The following TIMP3 variants were observed in gnomAD, a reference collection of about 807,000 sequenced individuals.
The protein encoded by TIMP3 is metalloproteinase inhibitor 3.
In TIMP3, 11 loss-of-function variants were observed where a neutral mutation model predicts 30.0. That is an observed-to-expected ratio of 0.37 (90% CI 0.23 to 0.61). TIMP3 has a LOEUF of 0.61. TIMP3 is among the 20% of genes least tolerant of loss of function. TIMP3 has a pLI of 0.70. For missense variants in TIMP3, 181 were observed against 276.8 expected, an observed-to-expected ratio of 0.65 and a Z score of 2.45; for synonymous variants, 112 against 111.3, an observed-to-expected ratio of 1.01 and a Z score of -0.04.
intron 1 of TIMP3, among the ~76,000 whole-genome samples, chr22:32,845,667 GC>G (rs1281372724): frequency 6.6e-6 from 1 of 152,124 alleles, no homozygotes; most frequent in East Asian, 1.9e-4. Flanking sequence ...CAGTGTAGGG[GC>G]CATACTCCAG....
chr22:32,828,882 A>G (rs5998641), intron 1 of TIMP3, among the ~76,000 whole-genome samples: 3,347 of 152,224 alleles, frequency 0.022, 123 homozygotes, highest in African/African-American at 0.075. Flanking sequence ...ACAGTCACAT[A>G]AGGAAATTCA....
At chr22:32,852,518 T>C (rs188294038) in intron 2 of TIMP3, among the ~76,000 whole-genome samples, 2 of 152,274 alleles carry the variant, frequency 1.3e-5, no homozygotes, top group African/African-American at 4.8e-5. Context: ...GACTTTGTTC[T>C]AGCAGATTAG....
intron 1 of TIMP3, among the ~76,000 whole-genome samples, chr22:32,828,910 T>C (rs1371968925): frequency 6.6e-6 from 1 of 151,990 alleles, no homozygotes; most frequent in Admixed American, 6.6e-5. Context: ...CCTCTCTCAT[T>C]AGGGGGCCCC....
At chr22:32,854,420 A>G (rs570071663) in intron 2 of TIMP3, among the ~76,000 whole-genome samples, 2 of 152,288 alleles carry the variant, frequency 1.3e-5, no homozygotes, top group South Asian at 4.1e-4. Context: ...CTCACCCACG[A>G]AGCACTAGGG....
At position 32,837,519 on chromosome 22, in the gene TIMP3, G is replaced by A. The variant is rs766146735; in HGVS notation, c.122-11933G>A. Among the ~76,000 whole-genome samples the A allele has an allele frequency of 7.9e-5, 12 of 152,294 alleles. No homozygotes were observed. The highest frequency in any genetic ancestry group is 1.2e-4 in the Non-Finnish European group (8 of 68,026). ...CTCCAAGAGGTGAAAGGGCTTGAGG[G>A]GAGACAGGGTACGGCGGGAGACAGA... On this transcript the variant is annotated intron_variant, in intron 1 of 4. Transcript: ENST00000266085. The surrounding 1 kb of genome is among the most constrained non-coding windows in gnomAD (Gnocchi z 4.1).
At position 32,809,074 on chromosome 22, in the gene TIMP3, C is replaced by A. The variant is rs139178393; in HGVS notation, c.121+6952C>A. ...ATCACAAACATAATACTGTAATTTTCATAGTAAGTTTGGTGCCCTTACTAT... is the reference window on the plus strand; with the variant it reads ...ATCACAAACATAATACTGTAATTTTAATAGTAAGTTTGGTGCCCTTACTAT... On this transcript the variant is annotated intron_variant, in intron 1 of 4. Coordinates refer to ENST00000266085, the MANE Select transcript of TIMP3 (RefSeq NM_000362.5). 5.8e-3 allele frequency among the ~76,000 whole-genome samples: 891 copies of A among 152,324 alleles called. 13 individuals are homozygous for A. Among genetic ancestry groups the A allele is most frequent in the African/African-American group, 0.02 (852 of 41,566 alleles).
At chr22:32,820,643 C>G (rs964633355) in intron 1 of TIMP3, among the ~76,000 whole-genome samples, 9 of 152,076 alleles carry the variant, frequency 5.9e-5, no homozygotes, top group Non-Finnish European at 1.0e-4. Flanking sequence ...GGCAGGGGCC[C>G]GGAGAAAACA....
intron 1 of TIMP3, among the ~76,000 whole-genome samples, chr22:32,807,367 AT>A (rs2046781116): frequency 8.6e-6 from 1 of 116,508 alleles, no homozygotes; most frequent in Non-Finnish European, 1.6e-5. Flanking sequence ...TATATAATAT[AT>A]ATTATATATA....
At chr22:32,831,637 C>G (rs1462464557) in intron 1 of TIMP3, among the ~76,000 whole-genome samples, 1 of 152,188 alleles carries the variant, frequency 6.6e-6, no homozygotes, top group African/African-American at 2.4e-5. Context: ...CTTTAGAATT[C>G]TTCTGTATGT....
chr22:32,820,273 T>C lies in TIMP3; in HGVS notation c.121+18151T>C, dbSNP rs550405996. ...GTGTGTGTGTGTGTGCGTGCGCGTG[T>C]GTGTGTGTGTGTGTGGTGTGTGTGG... On this transcript the variant is annotated intron_variant, in intron 1 of 4. Coordinates refer to ENST00000266085, the MANE Select transcript of TIMP3 (RefSeq NM_000362.5). Among the ~76,000 whole-genome samples the C allele has an allele frequency of 6.7e-3, 1,001 of 150,116 alleles. 13 individuals are homozygous for C. The highest frequency in any genetic ancestry group is 0.021 in the African/African-American group (875 of 40,736).
chr22:32,811,972 T>G (rs1454960548), intron 1 of TIMP3, among the ~76,000 whole-genome samples: 1 of 152,196 alleles, frequency 6.6e-6, no homozygotes, highest in African/African-American at 2.4e-5. Context: ...CCCTATCCAC[T>G]GCCAGGGCTA....
chr22:32,817,062 T>TA (rs130284), intron 1 of TIMP3, among the ~76,000 whole-genome samples: 131,124 of 145,194 alleles, frequency 0.9, 59,181 homozygotes, highest in Middle Eastern at 0.92. Context: ...TCTACTAATT[T>TA]AAAAAAAAAA....
intron 1 of TIMP3, among the ~76,000 whole-genome samples, chr22:32,825,379 A>G (rs1310976219): frequency 6.6e-6 from 1 of 151,952 alleles, no homozygotes; most frequent in African/African-American, 2.4e-5. Context: ...TGTATGTGTT[A>G]GCCAGGCACG....
At chr22:32,829,195 G>GGCCA (rs1323884751) in intron 1 of TIMP3, among the ~76,000 whole-genome samples, 8 of 152,164 alleles carry the variant, frequency 5.3e-5, no homozygotes, top group Admixed American at 3.9e-4. Context: ...TTTAGTCCCA[G>GGCCA]GCCAGAGACC....
At chr22:32,808,895 C>A (rs1444498021) in intron 1 of TIMP3, among the ~76,000 whole-genome samples, 1 of 152,178 alleles carries the variant, frequency 6.6e-6, no homozygotes, top group Non-Finnish European at 1.5e-5. Flanking sequence ...TGCGTGCCAC[C>A]CAGAGGGATA....
chr22:32,803,872 C>T (rs748089973), intron 1 of TIMP3, among the ~76,000 whole-genome samples: 2 of 152,108 alleles, frequency 1.3e-5, no homozygotes, highest in Non-Finnish European at 2.9e-5. Context: ...GAGTAGGTCC[C>T]CATTCTTCCC....
intron 1 of TIMP3, among the ~76,000 whole-genome samples, chr22:32,843,137 T>C (rs2047961585): frequency 6.6e-6 from 1 of 152,186 alleles, no homozygotes; most frequent in African/African-American, 2.4e-5. Context: ...CTGATCCTCA[T>C]TGTCCACAGT....
intron 1 of TIMP3, among the ~76,000 whole-genome samples, chr22:32,815,336 C>G (rs2047060310): frequency 6.6e-6 from 1 of 152,204 alleles, no homozygotes; most frequent in Non-Finnish European, 1.5e-5. Context: ...CCAGGTCTCT[C>G]ACTTGACAGA....
intron 1 of TIMP3, among the ~76,000 whole-genome samples, chr22:32,808,819 T>G (rs1345229065): frequency 2.0e-5 from 3 of 152,110 alleles, no homozygotes; most frequent in Admixed American, 1.3e-4. Context: ...AAACCCAAAT[T>G]CTCCAAAGCT....
Sources: allele counts gnomAD v4.1 joint callset (sites outside exome capture counted in the v4.1 genomes callset), GRCh38; gene constraint gnomAD v4.1.1; non-coding constraint Gnocchi (gnomAD v3.1); transcripts MANE v1.5; gene names NCBI Gene and HGNC (gene_info 2026-07-23, HGNC 2026-07-21).